LEPR: variants seen among roughly 807,000 people sequenced by gnomAD.
LEPR encodes the protein OB receptor.
In LEPR, 56 loss-of-function variants were observed where a neutral mutation model predicts 114.7. That is an observed-to-expected ratio of 0.49 (90% CI 0.39 to 0.61). LEPR has a LOEUF of 0.61. Ranked by LOEUF, LEPR falls within the 20% of genes least tolerant of loss-of-function variation. The pLI, the probability that LEPR is intolerant of heterozygous loss-of-function variation, is 0.00. For missense variants in LEPR, 1,202 were observed against 1,352.9 expected, an observed-to-expected ratio of 0.89 and a Z score of 1.75; for synonymous variants, 443 against 461.4, an observed-to-expected ratio of 0.96 and a Z score of 0.51.
At chr1:65,435,477 C>T (rs975149973) in intron 2 of LEPR, 33 of 416,386 alleles carry the variant, frequency 7.9e-5, no homozygotes, top group African/African-American at 6.8e-4. Context: ...ACGCCATTCT[C>T]CTGCCTCAGC....
intron 2 of LEPR, among the ~76,000 whole-genome samples, chr1:65,518,879 T>C (rs1021590861): frequency 3.7e-5 from 3 of 80,022 alleles, no homozygotes; most frequent in African/African-American, 8.7e-5. Flanking sequence ...TTCTTTTTCT[T>C]TCTTTCTTTC....
At chr1:65,433,044 G>A (rs2100237170) in intron 2 of LEPR, 3 of 985,360 alleles carry the variant, frequency 3.0e-6, no homozygotes, top group Non-Finnish European at 3.6e-6. Flanking sequence ...GAGCTCCACT[G>A]AGATGCGGGC....
intron 2 of LEPR, among the ~76,000 whole-genome samples, chr1:65,496,159 A>G (rs1648143923): frequency 6.6e-6 from 1 of 152,216 alleles, no homozygotes; most frequent in Non-Finnish European, 1.5e-5. Context: ...TATCAGATGT[A>G]TCTCATAAAT....
intron 11 of LEPR, among the ~76,000 whole-genome samples, chr1:65,606,616 C>T (rs1267629413): frequency 6.6e-6 from 1 of 152,116 alleles, no homozygotes; most frequent in African/African-American, 2.4e-5. Flanking sequence ...AACTATTGAA[C>T]TTCAAGCATA....
At chr1:65,635,213 A>G (rs1333386984) in intron 19 of LEPR, 1 of 966,358 alleles carries the variant, frequency 1.0e-6, no homozygotes, top group Non-Finnish European at 1.2e-6. Flanking sequence ...AATGACGTGT[A>G]TGATATATAA....
chr1:65,609,965 GCAAAAT>G lies in LEPR; in HGVS notation c.1779_1784del (p.Lys594_Ser595del). 4 of 1,614,172 alleles carry G rather than the reference GCAAAAT, an allele frequency of 2.5e-6. No individual in the cohort carries two copies. The highest frequency in any genetic ancestry group is 3.4e-6 in the Non-Finnish European group (4 of 1,179,994). ...TTTACAGATGTATGAGGTTTATGATGCAAAATCAAAATCTGTCAGTCTCCCAGTTCC... is the reference window on the plus strand; with the variant it reads ...TTTACAGATGTATGAGGTTTATGATGCAAAATCTGTCAGTCTCCCAGTTCC... On this transcript the variant is annotated inframe_deletion, in exon 13 of 20. Transcript: ENST00000349533.
intron 2 of LEPR, chr1:65,434,496 A>G (rs1161274231): frequency 1.0e-6 from 1 of 985,130 alleles, no homozygotes; most frequent in Non-Finnish European, 1.2e-6. Flanking sequence ...CCACAGAAAC[A>G]ATACTATGAA....
At chr1:65,608,119 A>G (rs1570805610) in intron 11 of LEPR, among the ~76,000 whole-genome samples, 1 of 149,708 alleles carries the variant, frequency 6.7e-6, no homozygotes, top group African/African-American at 2.5e-5. Context: ...AGAGTTTCAC[A>G]CTCACACATA....
At chr1:65,523,188 C>G (rs545027323) in intron 2 of LEPR, among the ~76,000 whole-genome samples, 18 of 152,328 alleles carry the variant, frequency 1.2e-4, no homozygotes, top group African/African-American at 4.3e-4. Flanking sequence ...AGGTGCCATG[C>G]TTGACCTTCA....
intron 2 of LEPR, among the ~76,000 whole-genome samples, chr1:65,551,972 T>C (rs1242442328): frequency 6.6e-6 from 1 of 152,200 alleles, no homozygotes; most frequent in Non-Finnish European, 1.5e-5. Flanking sequence ...TACCCAGTAG[T>C]CATTCAGGAG....
intron 2 of LEPR, among the ~76,000 whole-genome samples, chr1:65,452,747 T>C (rs1395549929): frequency 6.6e-6 from 1 of 151,850 alleles, no homozygotes; most frequent in South Asian, 2.1e-4. Flanking sequence ...TCTCTTTTTT[T>C]GTTGTGTCTC....
chr1:65,504,954 C>G (rs1648648634), intron 2 of LEPR, among the ~76,000 whole-genome samples: 1 of 151,956 alleles, frequency 6.6e-6, no homozygotes, highest in African/African-American at 2.4e-5. Flanking sequence ...TACCCCATTC[C>G]AATTAAATCA....
chr1:65,521,955 G>A (rs184312023), intron 2 of LEPR, among the ~76,000 whole-genome samples: 44 of 152,158 alleles, frequency 2.9e-4, no homozygotes, highest in Non-Finnish European at 3.1e-4. Context: ...CAAAAATTAC[G>A]TGGGTGTAGT....
At chr1:65,565,185 G>A (rs895425373) in intron 2 of LEPR, among the ~76,000 whole-genome samples, 4 of 152,190 alleles carry the variant, frequency 2.6e-5, no homozygotes, top group African/African-American at 4.8e-5. Flanking sequence ...AGAAATTGAA[G>A]ACGGTGATAT....
chr1:65,532,285 A>G (rs1650455835), intron 2 of LEPR, among the ~76,000 whole-genome samples: 1 of 152,180 alleles, frequency 6.6e-6, no homozygotes. Flanking sequence ...GGGAAACTCC[A>G]TCATTCTGTA....
intron 2 of LEPR, among the ~76,000 whole-genome samples, chr1:65,531,104 A>G (rs1054944285): frequency 6.6e-6 from 1 of 152,100 alleles, no homozygotes; most frequent in Non-Finnish European, 1.5e-5. Context: ...CCAAGGCCCT[A>G]CCTGATCATT....
At chr1:65,530,302 C>T (rs911288462) in intron 2 of LEPR, among the ~76,000 whole-genome samples, 2 of 152,206 alleles carry the variant, frequency 1.3e-5, no homozygotes, top group Admixed American at 6.5e-5. Context: ...AATGACTTCT[C>T]ATTACTTCCA....
intron 2 of LEPR, chr1:65,433,028 G>A: frequency 1.0e-6 from 1 of 985,326 alleles, no homozygotes; most frequent in Non-Finnish European, 1.2e-6. Flanking sequence ...GACAATGCTG[G>A]GGGAAGAGCT....
At chr1:65,429,953 A>G (rs1646454291) in intron 2 of LEPR, 1 of 1,576,774 alleles carries the variant, frequency 6.3e-7, no homozygotes, top group Admixed American at 1.7e-5. Flanking sequence ...CTCAGATGCA[A>G]CCAGTAGTGC....
Sources: gnomAD v4.1 joint callset for allele counts (sites outside exome capture counted in the v4.1 genomes callset) on GRCh38, gnomAD v4.1.1 for gene constraint, MANE v1.5 for transcripts, NCBI Gene and HGNC (gene_info 2026-07-23, HGNC 2026-07-21) for gene names.